The following SYT6 variants were observed in gnomAD, a reference collection of about 807,000 sequenced individuals.
The protein encoded by SYT6 is synaptotagmin-6.
SYT6 carries 24 observed loss-of-function variants against 38.4 expected under a neutral mutation model. The observed-to-expected ratio is 0.62, with a 90% confidence interval of 0.45 to 0.88. The LOEUF (loss-of-function observed/expected upper bound fraction) is 0.88, where lower values mean the gene tolerates loss of function less well. SYT6 is among the 40% of genes least tolerant of loss of function. The pLI is 0.00. For missense variants in SYT6, 611 were observed against 621.0 expected, an observed-to-expected ratio of 0.98 and a Z score of 0.17; for synonymous variants, 265 against 241.9, an observed-to-expected ratio of 1.10 and a Z score of -0.89.
At chr1:114,093,622 G>A in intron 7 of SYT6, 113 bp downstream of exon 7, 2 of 979,084 alleles carry the variant, frequency 2.0e-6, no homozygotes, top group African/African-American at 1.6e-5. Flanking sequence ...ACCCAACCAA[G>A]TGTTCTTTCC....
intron 7 of SYT6, among the ~76,000 whole-genome samples, chr1:114,092,728 A>C (rs1675400487): frequency 6.6e-6 from 1 of 152,124 alleles, no homozygotes; most frequent in Non-Finnish European, 1.5e-5. Flanking sequence ...CCTTCTGTGA[A>C]AGGGGTGATG....
intron 3 of SYT6, among the ~76,000 whole-genome samples, chr1:114,111,739 G>GATTGCTTT (rs1455768081): frequency 0.026 from 3,977 of 151,828 alleles, 92 homozygotes; most frequent in Non-Finnish European, 0.04. Context: ...GAGGAACCCG[G>GATTGCTTT]CAGGATGTGC....
Position 114,099,084 on chromosome 1 carries a change from G to A in SYT6, c.1364+10C>T, listed in dbSNP as rs956693694. The A allele has an allele frequency of 5.0e-6, 8 of 1,608,132 alleles. No individual in the cohort carries two copies. Among genetic ancestry groups the A allele is most frequent in the Admixed American group, 3.4e-5 (2 of 59,634 alleles). Reference sequence around the variant, plus strand: ...GGGTAGAATTACGTCCCTCTAGGACGCCTACCTACCGATCATAGTCCATGA... The same window carrying A: ...GGGTAGAATTACGTCCCTCTAGGACACCTACCTACCGATCATAGTCCATGA... On this transcript the variant is annotated intron_variant, in intron 5 of 7. Transcript: ENST00000610222.
chr1:114,125,401 C>A (rs1408558942), intron 3 of SYT6, among the ~76,000 whole-genome samples: 1 of 152,212 alleles, frequency 6.6e-6, no homozygotes, highest in Non-Finnish European at 1.5e-5. Context: ...ATGGAAAGCT[C>A]TCTACTCAGA....
intron 4 of SYT6, among the ~76,000 whole-genome samples, 176 bp from the exon 5 acceptor site, chr1:114,099,441 A>G (rs528509348): frequency 1.3e-5 from 2 of 152,276 alleles, no homozygotes; most frequent in East Asian, 1.9e-4. Context: ...GTCTCTGAGG[A>G]CACTCTGTGC....
In SYT6 at chr1:114,113,668, C is replaced by T. The variant is rs1157344245; in HGVS notation, c.1072-9947G>A. Among the ~76,000 whole-genome samples, 5 of 152,076 alleles carry T rather than the reference C, an allele frequency of 3.3e-5. No individual in the cohort carries two copies. In the East Asian group the frequency reaches 9.6e-4, roughly 29 times the overall value. ...CCCTGATAATTCTAACTCCAAATTC[C>T]ATCTCAAGTCCACCCACCTCTCTCC... is the stretch of plus-strand genomic sequence containing the variant. On this transcript the variant is annotated intron_variant, in intron 3 of 7. Transcript: ENST00000610222.
chr1:114,123,106 C>G (rs973411418), intron 3 of SYT6, among the ~76,000 whole-genome samples: 5 of 152,148 alleles, frequency 3.3e-5, no homozygotes, highest in African/African-American at 1.2e-4. Context: ...CTGTGAGGGG[C>G]TGGGCAGGGC....
intron 1 of SYT6, among the ~76,000 whole-genome samples, chr1:114,140,861 T>C (rs1678828641): frequency 6.6e-6 from 1 of 152,236 alleles, no homozygotes; most frequent in African/African-American, 2.4e-5. Flanking sequence ...TTTCAAACTT[T>C]TAAATTACTA....
At chr1:114,123,531 G>A (rs970940473) in intron 3 of SYT6, among the ~76,000 whole-genome samples, 1 of 152,218 alleles carries the variant, frequency 6.6e-6, no homozygotes, top group African/African-American at 2.4e-5. Flanking sequence ...GCAGCAGAGA[G>A]GAGCCCTGGA....
At chr1:114,129,799 T>G (rs1189842817) in intron 3 of SYT6, among the ~76,000 whole-genome samples, 2 of 150,902 alleles carry the variant, frequency 1.3e-5, no homozygotes, top group Admixed American at 6.6e-5. Flanking sequence ...CACCTCAGCC[T>G]CTGAGTTGCT....
intron 3 of SYT6, among the ~76,000 whole-genome samples, chr1:114,135,887 C>T (rs1678450597): frequency 6.6e-6 from 1 of 152,232 alleles, no homozygotes; most frequent in Non-Finnish European, 1.5e-5. Context: ...AATGAAGCCA[C>T]AGCCTAAGGA....
intron 3 of SYT6, 144 bp from the exon 4 acceptor site, chr1:114,103,865 C>A: frequency 9.7e-7 from 1 of 1,031,142 alleles, no homozygotes; most frequent in East Asian, 2.7e-5. Context: ...AGGGACTGGC[C>A]TCCATGCTGC....
chr1:114,107,777 C>A (rs537908109), intron 3 of SYT6, among the ~76,000 whole-genome samples: 1 of 152,322 alleles, frequency 6.6e-6, no homozygotes, highest in African/African-American at 2.4e-5. Context: ...TACCCTCTCT[C>A]AGGCGGTTTC....
intron 2 of SYT6, among the ~76,000 whole-genome samples, chr1:114,138,600 C>T (rs564223140): frequency 1.1e-3 from 167 of 152,304 alleles, no homozygotes; most frequent in Non-Finnish European, 2.0e-3. Context: ...GTTATTTAAC[C>T]TCTCTGTGCC....
chr1:114,146,474 C>T (rs888179190), intron 1 of SYT6, among the ~76,000 whole-genome samples: 2 of 152,208 alleles, frequency 1.3e-5, no homozygotes, highest in Non-Finnish European at 2.9e-5. Flanking sequence ...CACAAATAGC[C>T]TTCAAAACCC....
At position 114,137,640 on chromosome 1, in the gene SYT6, T is replaced by C. The variant is rs1191628546; in HGVS notation, c.926A>G (p.Asp309Gly). 6.2e-7 allele frequency: 1 copy of C among 1,614,162 alleles called. No individual in the cohort carries two copies. Among genetic ancestry groups the C allele is most frequent in the East Asian group, 2.2e-5 (1 of 44,882 alleles). Residue 309 changes from aspartate (D) to glycine (G), a missense_variant, in exon 3 of 8, where the codon GAC (aspartate) becomes GGC (glycine). Transcript: ENST00000610222. ...GAAGACACTGAGATGCAGCTTGCGG[T>C]CAGCCAGCTCCTCATAGGGCACAGG... ...HFPVPYEELA[D>G]RKLHLSVFDF...
intron 3 of SYT6, among the ~76,000 whole-genome samples, chr1:114,119,963 C>G (rs1452823385): frequency 6.6e-6 from 1 of 151,230 alleles, no homozygotes; most frequent in African/African-American, 2.4e-5. Context: ...CCCAGCTACT[C>G]GGGCGGCTGA....
chr1:114,107,007 G>T (rs908701554), intron 3 of SYT6, among the ~76,000 whole-genome samples: 9 of 152,182 alleles, frequency 5.9e-5, no homozygotes, highest in African/African-American at 1.9e-4. Context: ...GGTTCTTCAC[G>T]CAGTGTTATG....
intron 2 of SYT6, among the ~76,000 whole-genome samples, chr1:114,138,385 C>T (rs1446019997): frequency 1.3e-5 from 2 of 152,182 alleles, no homozygotes; most frequent in African/African-American, 4.8e-5. Context: ...ACTCTGGTTT[C>T]CTTATTAAAT....
Sources: allele counts gnomAD v4.1 joint callset (sites outside exome capture counted in the v4.1 genomes callset), GRCh38; gene constraint gnomAD v4.1.1; transcripts MANE v1.5; gene names NCBI Gene and HGNC (gene_info 2026-07-23, HGNC 2026-07-21).